SCOC: variants seen among roughly 807,000 people sequenced by gnomAD.
SCOC encodes the protein short coiled coil protein.
Under a neutral mutation model 9.9 loss-of-function variants are expected in SCOC, and 7 were observed. That is an observed-to-expected ratio of 0.71 (90% confidence interval 0.40 to 1.33). The LOEUF (loss-of-function observed/expected upper bound fraction) is 1.33, where lower values mean the gene tolerates loss of function less well. SCOC is among the 40% of genes most tolerant of loss of function. SCOC has a pLI of 0.01. For missense variants in SCOC, 66 were observed against 89.7 expected (o/e 0.74, Z 1.07); for synonymous variants, 19 against 28.2 (o/e 0.67, Z 1.03).
chr4:140,274,736 C>T (rs1450955109), intron 1 of SCOC, among the ~76,000 whole-genome samples: 1 of 152,168 alleles, frequency 6.6e-6, no homozygotes, highest in Non-Finnish European at 1.5e-5. Context: ...ATTCAGCTTC[C>T]TAAAATACAA....
In SCOC at chr4:140,379,277, A is replaced by T. The variant is rs907075984; in HGVS notation, c.22+85A>T. 5 of 941,388 alleles carry T rather than the reference A, an allele frequency of 5.3e-6. No homozygotes were observed. The Admixed American group carries it at 8.8e-5, about 17-fold the overall frequency. The allele number at this position is 941,388 out of a possible 1,614,324, so 58.3% of individuals were successfully genotyped here. Reference sequence around the variant, plus strand: ...AAGCAATGGAAAGGGCAGAGAAACCATGTTTAGAAGACTTTGATCTTGGCT... The same window carrying T: ...AAGCAATGGAAAGGGCAGAGAAACCTTGTTTAGAAGACTTTGATCTTGGCT... On this transcript the variant is annotated intron_variant, in intron 2 of 3. Transcript: ENST00000608372.
intron 2 of SCOC, among the ~76,000 whole-genome samples, chr4:140,352,931 G>A (rs993581846): frequency 6.6e-6 from 1 of 152,146 alleles, no homozygotes. Context: ...AAAATCAGGG[G>A]TGAATTTTAT....
At chr4:140,267,715 G>A (rs1011844219) in intron 1 of SCOC, among the ~76,000 whole-genome samples, 1 of 152,066 alleles carries the variant, frequency 6.6e-6, no homozygotes, top group Non-Finnish European at 1.5e-5. Context: ...CTGAGCTCCG[G>A]GAACCCCCTC....
intron 1 of SCOC, chr4:140,374,261 G>C: frequency 2.3e-6 from 1 of 432,034 alleles, no homozygotes; most frequent in Non-Finnish European, 4.6e-6. Context: ...GAGTCCTGCT[G>C]AACAAGTTTT....
At chr4:140,359,794 G>A (rs1003075422) in intron 2 of SCOC, among the ~76,000 whole-genome samples, 3 of 152,236 alleles carry the variant, frequency 2.0e-5, no homozygotes, top group Non-Finnish European at 4.4e-5. Flanking sequence ...CAGATGCTTT[G>A]TACTCTCTCT....
At chr4:140,347,468 T>G (rs1302569033) in intron 2 of SCOC, among the ~76,000 whole-genome samples, 1 of 152,220 alleles carries the variant, frequency 6.6e-6, no homozygotes, top group Non-Finnish European at 1.5e-5. Context: ...CTGGCTTTGA[T>G]GCCACCGCAC....
upstream of SCOC, chr4:140,369,324 C>T (rs772182146): frequency 9.7e-6 from 4 of 412,396 alleles, no homozygotes; most frequent in South Asian, 7.0e-5. Flanking sequence ...TTCAGAACAG[C>T]ATTCATTCTC....
At chr4:140,369,919 T>A (rs7657290), upstream of SCOC, among the ~76,000 whole-genome samples, 1 of 133,532 alleles carries the variant, frequency 7.5e-6, no homozygotes, top group African/African-American at 2.9e-5. Flanking sequence ...GCTCTTGTTG[T>A]CCAGGTTGGA....
At chr4:140,349,447 G>A (rs1289094685) in intron 2 of SCOC, among the ~76,000 whole-genome samples, 6 of 152,124 alleles carry the variant, frequency 3.9e-5, no homozygotes. Flanking sequence ...TGTGACTGCA[G>A]AGGAAACTAT....
chr4:140,291,150 T>C (rs1485457508), intron 1 of SCOC, among the ~76,000 whole-genome samples: 2 of 152,210 alleles, frequency 1.3e-5, no homozygotes, highest in African/African-American at 4.8e-5. Flanking sequence ...GCAGAGCCCA[T>C]TCTTGCTCCT....
intron 1 of SCOC, among the ~76,000 whole-genome samples, chr4:140,295,527 G>A (rs1047047480): frequency 6.6e-6 from 1 of 152,174 alleles, no homozygotes; most frequent in Non-Finnish European, 1.5e-5. Flanking sequence ...GCTCCTGGGG[G>A]CAAGGGCTGA....
chr4:140,334,234 T>A (rs1732895831), intron 1 of SCOC, among the ~76,000 whole-genome samples: 1 of 152,242 alleles, frequency 6.6e-6, no homozygotes, highest in Admixed American at 6.5e-5. Context: ...ATTATCTGCC[T>A]ACCTAAATAA....
intron 1 of SCOC, among the ~76,000 whole-genome samples, chr4:140,268,276 A>G (rs1028203305): frequency 1.8e-4 from 27 of 152,218 alleles, no homozygotes; most frequent in Non-Finnish European, 5.9e-5. Flanking sequence ...GTCTGGTTCA[A>G]ATAGAACAGA....
intron 1 of SCOC, among the ~76,000 whole-genome samples, chr4:140,287,826 A>G (rs114857977): frequency 0.017 from 2,591 of 152,140 alleles, 35 homozygotes; most frequent in Non-Finnish European, 0.024. Context: ...ACACACATAG[A>G]CACACACTAT....
At chr4:140,345,050 A>G (rs1726670759) in intron 2 of SCOC, among the ~76,000 whole-genome samples, 1 of 152,058 alleles carries the variant, frequency 6.6e-6, no homozygotes, top group Admixed American at 6.5e-5. Flanking sequence ...CTTCCAGTGG[A>G]GGAAAGAGCA....
chr4:140,282,100 A>G (rs1731112305), intron 1 of SCOC, among the ~76,000 whole-genome samples: 1 of 152,174 alleles, frequency 6.6e-6, no homozygotes, highest in Non-Finnish European at 1.5e-5. Flanking sequence ...TCCTTGAGTA[A>G]TATTGAAGCT....
chr4:140,352,522 T>C (rs1304644670), intron 2 of SCOC, among the ~76,000 whole-genome samples: 1 of 152,164 alleles, frequency 6.6e-6, no homozygotes, highest in African/African-American at 2.4e-5. Flanking sequence ...GTGGTATGGC[T>C]CTAGGGTCAC....
chr4:140,370,491 A>C (rs773985695), upstream of SCOC, among the ~76,000 whole-genome samples: 1 of 152,200 alleles, frequency 6.6e-6, no homozygotes, highest in Non-Finnish European at 1.5e-5. Context: ...TCACTCCTTA[A>C]GACTGTAATT....
intron 1 of SCOC, among the ~76,000 whole-genome samples, chr4:140,375,929 TC>T (rs1383521882): frequency 6.6e-6 from 1 of 152,176 alleles, no homozygotes; most frequent in East Asian, 1.9e-4. Context: ...ATTTCAGTGT[TC>T]CCACGCTTGA....
Sources: gnomAD v4.1 joint callset for allele counts (sites outside exome capture counted in the v4.1 genomes callset) on GRCh38, gnomAD v4.1.1 for gene constraint, MANE v1.5 for transcripts, NCBI Gene and HGNC (gene_info 2026-07-23, HGNC 2026-07-21) for gene names.